The following EVI5 variants were observed in gnomAD, a reference collection of about 807,000 sequenced individuals.
The protein encoded by EVI5 is ecotropic viral integration site 5 protein homolog.
A neutral mutation model predicts 112.0 loss-of-function variants in EVI5; 73 were observed. The observed-to-expected ratio is 0.65, with a 90% CI of 0.54 to 0.79. The LOEUF is 0.79. EVI5 is among the 30% of genes least tolerant of loss of function. EVI5 has a pLI of 0.00. For synonymous variants in EVI5, 305 were observed against 319.9 expected (o/e 0.95, Z 0.50); for missense variants, 900 against 968.8 (o/e 0.93, Z 0.94).
chr1:92,626,127 T>C (rs1043492735), intron 14 of EVI5, among the ~76,000 whole-genome samples, 193 bp from the exon 15 acceptor site: 2 of 152,206 alleles, frequency 1.3e-5, no homozygotes, highest in Admixed American at 1.3e-4. Context: ...TTTACAGGGT[T>C]GTTTAAACAT....
At chr1:92,653,851 C>T (rs1015412430) in intron 13 of EVI5, among the ~76,000 whole-genome samples, 2 of 152,190 alleles carry the variant, frequency 1.3e-5, no homozygotes, top group Non-Finnish European at 2.9e-5. Context: ...AGGTACATTG[C>T]AGCCTGGAGA....
intron 13 of EVI5, among the ~76,000 whole-genome samples, chr1:92,650,329 T>C (rs1355986636): frequency 6.6e-6 from 1 of 152,240 alleles, no homozygotes; most frequent in East Asian, 1.9e-4. Flanking sequence ...TTTTCACTTA[T>C]TTATATCTTC....
Position 92,697,725 on chromosome 1 carries a change from A to G in EVI5, c.765+135T>C, listed in dbSNP as rs180838642. The G allele has an allele frequency of 8.3e-6, 6 of 720,838 alleles. No homozygotes were observed. The South Asian group carries it at 9.5e-5, about 11-fold the overall frequency. 44.7% of individuals were successfully genotyped at this position (720,838 alleles called of 1,614,324 possible). A position where few individuals can be genotyped will look rare whatever the true frequency, so the allele number is the denominator to read the frequency against. On this transcript the variant is annotated intron_variant, in intron 6 of 19. Coordinates refer to ENST00000684568, the MANE Select transcript of EVI5 (RefSeq NM_001350197.2). ...AAATTGTACATTAACCAACCAAAAA[A>G]CAATCATGTAATTAAAACACTTACT...
chr1:92,621,401 T>A (rs1481002112), intron 16 of EVI5, among the ~76,000 whole-genome samples: 1 of 152,238 alleles, frequency 6.6e-6, no homozygotes, highest in Non-Finnish European at 1.5e-5. Context: ...AACCTCCACC[T>A]ACCGGGTTCA....
At chr1:92,686,975 T>C (rs565843481) in intron 9 of EVI5, among the ~76,000 whole-genome samples, 1 of 152,310 alleles carries the variant, frequency 6.6e-6, no homozygotes, top group South Asian at 2.1e-4. Context: ...CAAGGTAATT[T>C]ATAGATTAAA....
intron 19 of EVI5, among the ~76,000 whole-genome samples, chr1:92,543,490 A>G (rs1665172828): frequency 6.6e-6 from 1 of 152,230 alleles, no homozygotes; most frequent in African/African-American, 2.4e-5. Flanking sequence ...CATATCAGCA[A>G]TGAGGCTGCT....
chr1:92,589,532 T>A (rs537586481), intron 18 of EVI5, among the ~76,000 whole-genome samples: 2 of 152,244 alleles, frequency 1.3e-5, no homozygotes, highest in East Asian at 3.9e-4. Flanking sequence ...CACAGCAGTC[T>A]GAGATCAAAC....
intron 18 of EVI5, among the ~76,000 whole-genome samples, chr1:92,569,684 T>A (rs1670009700): frequency 6.6e-6 from 1 of 150,950 alleles, no homozygotes; most frequent in South Asian, 2.1e-4. Flanking sequence ...TGAAACGCTG[T>A]CTCTACTAAA....
chr1:92,750,379 C>G (rs1464475168), intron 1 of EVI5, among the ~76,000 whole-genome samples: 1 of 152,042 alleles, frequency 6.6e-6, no homozygotes, highest in East Asian at 1.9e-4. Flanking sequence ...ATTTGCTTTA[C>G]CAAACTAAGT....
chr1:92,780,217 C>G (rs573834537), intron 1 of EVI5, among the ~76,000 whole-genome samples: 7 of 152,342 alleles, frequency 4.6e-5, no homozygotes, highest in Admixed American at 1.3e-4. Flanking sequence ...TGCTTTCCAC[C>G]ATGGTTGTAA....
intron 10 of EVI5, among the ~76,000 whole-genome samples, chr1:92,672,725 C>T (rs970409075): frequency 2.0e-5 from 3 of 152,088 alleles, no homozygotes; most frequent in African/African-American, 4.8e-5. Context: ...TATGAATTAT[C>T]TGTTAAATGA....
intron 19 of EVI5, among the ~76,000 whole-genome samples, chr1:92,541,366 G>A (rs1454504208): frequency 6.6e-6 from 1 of 152,088 alleles, no homozygotes; most frequent in African/African-American, 2.4e-5. Flanking sequence ...AGCTATAAAT[G>A]GCCAATAAGC....
upstream of EVI5, among the ~76,000 whole-genome samples, chr1:92,789,041 G>A (rs1184492620): frequency 6.6e-6 from 1 of 152,082 alleles, no homozygotes; most frequent in Non-Finnish European, 1.5e-5. Context: ...CCTGGAAAGT[G>A]GTGGCAGAGT....
At chr1:92,761,992 A>T (rs1249051515) in intron 1 of EVI5, among the ~76,000 whole-genome samples, 2 of 152,252 alleles carry the variant, frequency 1.3e-5, no homozygotes, top group Non-Finnish European at 2.9e-5. Context: ...ATATCCAAAA[A>T]GAAGAATTTC....
intron 13 of EVI5, among the ~76,000 whole-genome samples, chr1:92,650,311 G>A (rs563011957): frequency 2.1e-4 from 32 of 152,126 alleles, no homozygotes; most frequent in Non-Finnish European, 2.6e-4. Flanking sequence ...ATACAAATAC[G>A]AGATAGATTT....
chr1:92,596,168 G>A (rs1224650657), intron 18 of EVI5, among the ~76,000 whole-genome samples: 1 of 151,976 alleles, frequency 6.6e-6, no homozygotes, highest in African/African-American at 2.4e-5. Context: ...ACCAGTCTGG[G>A]GAACATGGCG....
At position 92,767,454 on chromosome 1, in the gene EVI5, G is replaced by T. The variant is rs369434272; in HGVS notation, c.-82+17382C>A. Among the ~76,000 whole-genome samples, 9 of 152,304 alleles carry T rather than the reference G, an allele frequency of 5.9e-5. No individual in the cohort carries two copies. In the South Asian group the frequency reaches 1.5e-3, roughly 25 times the overall value. Reference sequence around the variant, plus strand: ...GTTTCAGGTATCACTAGTAGTCTTGGAATGTATCTCCCGAGGATAAGGGGG... The same window carrying T: ...GTTTCAGGTATCACTAGTAGTCTTGTAATGTATCTCCCGAGGATAAGGGGG... On this transcript the variant is annotated intron_variant, in intron 1 of 19. Coordinates refer to ENST00000684568, the MANE Select transcript of EVI5 (RefSeq NM_001350197.2).
chr1:92,635,040 A>G (rs1658442108), intron 14 of EVI5, among the ~76,000 whole-genome samples: 1 of 152,158 alleles, frequency 6.6e-6, no homozygotes, highest in Non-Finnish European at 1.5e-5. Flanking sequence ...TTCCTCTGGA[A>G]GCTTTGTCTC....
intron 19 of EVI5, among the ~76,000 whole-genome samples, chr1:92,556,430 A>G (rs937715683): frequency 2.6e-5 from 4 of 152,262 alleles, no homozygotes; most frequent in African/African-American, 9.6e-5. Context: ...GTTCTCACTT[A>G]AAGTTTTCCA....
Sources: allele counts gnomAD v4.1 joint callset (sites outside exome capture counted in the v4.1 genomes callset), GRCh38; gene constraint gnomAD v4.1.1; transcripts MANE v1.5; gene names NCBI Gene and HGNC (gene_info 2026-07-23, HGNC 2026-07-21).